The following FAM110B variants were observed in gnomAD, a reference collection of about 807,000 sequenced individuals.
FAM110B encodes family with sequence similarity 110 member B.
A neutral mutation model predicts 20.4 loss-of-function variants in FAM110B; 6 were observed. The ratio of observed to expected loss-of-function variants is 0.29; its 90% confidence interval spans 0.16 to 0.58. The LOEUF (loss-of-function observed/expected upper bound fraction) is 0.58. Ranked by LOEUF, FAM110B falls within the 20% of genes least tolerant of loss-of-function variation. The pLI is 0.90. For missense variants in FAM110B, 434 were observed against 498.2 expected (o/e 0.87, Z 1.23); for synonymous variants, 226 against 214.1 (o/e 1.06, Z -0.49).
chr8:58,062,583 G>A (rs1805679621), intron 2 of FAM110B, among the ~76,000 whole-genome samples: 1 of 152,134 alleles, frequency 6.6e-6, no homozygotes, highest in Non-Finnish European at 1.5e-5. Context: ...CAGATATTTT[G>A]TACTGTGGAA....
At chr8:58,013,133 G>A (rs1382192278) in intron 1 of FAM110B, among the ~76,000 whole-genome samples, 3 of 152,290 alleles carry the variant, frequency 2.0e-5, no homozygotes, top group African/African-American at 7.2e-5. Flanking sequence ...AATGCTGTGT[G>A]ATGTCTCTAG....
intron 1 of FAM110B, among the ~76,000 whole-genome samples, chr8:58,008,055 A>G (rs1804448367): frequency 6.6e-6 from 1 of 151,780 alleles, no homozygotes; most frequent in Non-Finnish European, 1.5e-5. Flanking sequence ...CTGTGCTCAT[A>G]GATGTTTAAT....
chr8:58,087,093 G>A (rs1806357685), intron 3 of FAM110B, among the ~76,000 whole-genome samples: 1 of 152,202 alleles, frequency 6.6e-6, no homozygotes, highest in African/African-American at 2.4e-5. Flanking sequence ...GTGCTTCACA[G>A]ACTTCGGAGG....
At chr8:58,078,043 C>T (rs1806081737) in intron 3 of FAM110B, among the ~76,000 whole-genome samples, 1 of 151,956 alleles carries the variant, frequency 6.6e-6, no homozygotes, top group Non-Finnish European at 1.5e-5. Context: ...ATGTTTTTAA[C>T]TTTCAGGTTA....
intron 3 of FAM110B, among the ~76,000 whole-genome samples, chr8:58,124,650 T>C (rs1248966448): frequency 1.3e-5 from 2 of 152,232 alleles, no homozygotes; most frequent in Non-Finnish European, 2.9e-5. Context: ...AAAGCCACCC[T>C]GTTTGCATCA....
At chr8:58,122,755 G>C (rs940091011) in intron 3 of FAM110B, among the ~76,000 whole-genome samples, 1 of 151,844 alleles carries the variant, frequency 6.6e-6, no homozygotes, top group African/African-American at 2.4e-5. Context: ...CCTTCAGGTC[G>C]CTTTTGTTCT....
chr8:58,116,783 A>T (rs1021615133), intron 3 of FAM110B, among the ~76,000 whole-genome samples: 8 of 152,040 alleles, frequency 5.3e-5, no homozygotes, highest in South Asian at 2.1e-4. Context: ...GGAAGAGATT[A>T]AAAAAAAGAC....
chr8:58,069,987 G>T (rs1805853635), intron 2 of FAM110B, among the ~76,000 whole-genome samples: 2 of 152,262 alleles, frequency 1.3e-5, no homozygotes, highest in South Asian at 2.1e-4. Flanking sequence ...AGATGATTTT[G>T]TCTATGAGGT....
chr8:58,086,180 A>G (rs1395631887), intron 3 of FAM110B, among the ~76,000 whole-genome samples: 1 of 152,222 alleles, frequency 6.6e-6, no homozygotes, highest in East Asian at 1.9e-4. Context: ...GGTTAAGCCA[A>G]AGTAAATTGC....
At chr8:58,132,836 G>T (rs1159484358) in intron 3 of FAM110B, among the ~76,000 whole-genome samples, 3 of 152,164 alleles carry the variant, frequency 2.0e-5, no homozygotes, top group Non-Finnish European at 2.9e-5. Context: ...AAACGTAGGA[G>T]AAAACTTCAT....
chr8:58,023,801 C>A (rs1033513647), intron 1 of FAM110B, among the ~76,000 whole-genome samples: 5 of 152,168 alleles, frequency 3.3e-5, no homozygotes, highest in African/African-American at 1.2e-4. Context: ...TAGATCATAT[C>A]CAGTCAGTAA....
chr8:58,085,283 C>A (rs564818562), intron 3 of FAM110B, among the ~76,000 whole-genome samples: 1 of 152,278 alleles, frequency 6.6e-6, no homozygotes, highest in South Asian at 2.1e-4. Context: ...GAGTCCGGGG[C>A]AGGCAGATTA....
intron 2 of FAM110B, among the ~76,000 whole-genome samples, chr8:58,041,733 TA>T (rs1203619328): frequency 6.6e-6 from 1 of 152,184 alleles, no homozygotes; most frequent in Non-Finnish European, 1.5e-5. Flanking sequence ...GGAGGAAGAA[TA>T]GGGGTCATCA....
chr8:58,013,568 A>G lies in FAM110B; in HGVS notation c.-511-18038A>G, dbSNP rs145954930. On this transcript the variant is annotated intron_variant, in intron 1 of 3. Transcript: ENST00000519262. ...TTAATGTGCAGTCCCAGGTGACCCA[A>G]ACCAGGATGGGCTGCCAAATAAAGT... Among the ~76,000 whole-genome samples the G allele has an allele frequency of 5.9e-3, 901 of 152,266 alleles. 11 individuals carry two copies. Among genetic ancestry groups the G allele is most frequent in the African/African-American group, 0.02 (837 of 41,560 alleles).
intron 3 of FAM110B, among the ~76,000 whole-genome samples, chr8:58,117,661 T>C (rs940937106): frequency 1.3e-5 from 2 of 152,186 alleles, no homozygotes. Context: ...CCCTGCCTCA[T>C]AGAGTCATTG....
chr8:58,033,364 A>G (rs1805009725), intron 2 of FAM110B, among the ~76,000 whole-genome samples: 1 of 152,196 alleles, frequency 6.6e-6, no homozygotes, highest in African/African-American at 2.4e-5. Context: ...GTGAACATAT[A>G]AATTCATGTG....
At chr8:58,112,986 C>G (rs1159477192) in intron 3 of FAM110B, among the ~76,000 whole-genome samples, 1 of 152,162 alleles carries the variant, frequency 6.6e-6, no homozygotes, top group Non-Finnish European at 1.5e-5. Context: ...TGAAGCCCCA[C>G]TTCTGGGCTC....
chr8:58,023,874 T>G (rs942720467), intron 1 of FAM110B, among the ~76,000 whole-genome samples: 3 of 152,144 alleles, frequency 2.0e-5, no homozygotes, highest in African/African-American at 7.2e-5. Flanking sequence ...TTTTTAGGAG[T>G]GTTAAAAATG....
At chr8:58,023,654 G>A (rs1804799812) in intron 1 of FAM110B, among the ~76,000 whole-genome samples, 1 of 152,104 alleles carries the variant, frequency 6.6e-6, no homozygotes, top group South Asian at 2.1e-4. Context: ...TCTAGCTGCT[G>A]CTCACATGTT....
Sources: allele counts gnomAD v4.1 joint callset (sites outside exome capture counted in the v4.1 genomes callset), GRCh38; gene constraint gnomAD v4.1.1; transcripts MANE v1.5; gene names NCBI Gene and HGNC (gene_info 2026-07-23, HGNC 2026-07-21).